Variants in SCAF8 observed in about 807,000 individuals in gnomAD.
SCAF8 encodes the protein SR-related and CTD-associated factor 8.
A neutral mutation model predicts 140.5 loss-of-function variants in SCAF8; 23 were observed. The observed-to-expected ratio is 0.16, with a 90% CI of 0.12 to 0.23. SCAF8 has a LOEUF of 0.23. Ranked by LOEUF, SCAF8 falls within the 10% of genes least tolerant of loss-of-function variation. The probability of loss-of-function intolerance (pLI) is 1.00; values close to 1 mark genes in which losing one functional copy is unlikely to be tolerated. For synonymous variants in SCAF8, 575 were observed against 528.9 expected (o/e 1.09, Z -1.20); for missense variants, 1,397 against 1,555.7 (o/e 0.90, Z 1.72).
At position 154,801,990 on chromosome 6, in the gene SCAF8, C is replaced by A; in HGVS notation, c.626C>A (p.Thr209Asn). The A allele has an allele frequency of 6.2e-7, 1 of 1,600,356 alleles. No homozygotes were observed. ...CTCCAGCTTCAACAATTAATACAAACCTTACAGATACAACAACAGAAGCCC... is the reference window on the plus strand; with the variant it reads ...CTCCAGCTTCAACAATTAATACAAAACTTACAGATACAACAACAGAAGCCC... ...QGQQLQQLIQTLQIQQQKPQP... is the reference protein window; with the variant it reads ...QGQQLQQLIQNLQIQQQKPQP... The change falls in exon 7 of 20, where the codon ACC becomes AAC. Residue 209 changes from threonine to asparagine, a missense_variant. Around this residue, in one of 5 missense-constraint regions of SCAF8, gnomAD observed 339 missense variants for 407.5 expected, o/e 0.83. Coordinates refer to ENST00000367178, the MANE Select transcript of SCAF8 (RefSeq NM_014892.5).
chr6:154,790,254 A>G (rs1174639584), intron 4 of SCAF8, among the ~76,000 whole-genome samples: 3 of 152,218 alleles, frequency 2.0e-5, no homozygotes, highest in Admixed American at 6.5e-5. Context: ...GCAGAAGAAC[A>G]TAAGGCATTT....
intron 1 of SCAF8, among the ~76,000 whole-genome samples, chr6:154,742,308 G>C (rs1474869076): frequency 6.6e-6 from 1 of 152,152 alleles, no homozygotes; most frequent in Non-Finnish European, 1.5e-5. Flanking sequence ...TTTTACAAAA[G>C]AGATAGAACT....
intron 3 of SCAF8, among the ~76,000 whole-genome samples, chr6:154,782,360 A>G (rs1021746355): frequency 3.3e-5 from 5 of 152,222 alleles, no homozygotes; most frequent in South Asian, 2.1e-4. Context: ...TTGAGGCTGT[A>G]GTGAACCATC....
chr6:154,740,619 CTTTTTCTTTT>C (rs1424631233), intron 1 of SCAF8, among the ~76,000 whole-genome samples: 4 of 117,252 alleles, frequency 3.4e-5, no homozygotes, highest in Non-Finnish European at 5.2e-5. Flanking sequence ...TTTTCTTTTT[CTTTTTCTTTT>C]TTTTTTTTTT....
At chr6:154,773,926 T>G in intron 1 of SCAF8, 63 bp from the exon 2 acceptor site, 1 of 989,432 alleles carries the variant, frequency 1.0e-6, no homozygotes, top group South Asian at 1.4e-5. Flanking sequence ...TGAACATGTT[T>G]GGTAGTTTCA....
chr6:154,819,947 C>G (rs1011163821), intron 14 of SCAF8, among the ~76,000 whole-genome samples: 2 of 152,084 alleles, frequency 1.3e-5, no homozygotes, highest in Non-Finnish European at 2.9e-5. Context: ...CATGATCATG[C>G]CACTGCACTC....
At chr6:154,805,153 C>T (rs150497615) in intron 8 of SCAF8, among the ~76,000 whole-genome samples, 9 of 152,134 alleles carry the variant, frequency 5.9e-5, no homozygotes, top group Middle Eastern at 3.4e-3. Context: ...ATCTCTGACA[C>T]GTTATCCATC....
chr6:154,831,362 C>T (rs2114698401), intron 19 of SCAF8, among the ~76,000 whole-genome samples: 1 of 152,028 alleles, frequency 6.6e-6, no homozygotes, highest in Non-Finnish European at 1.5e-5. Context: ...ACCCTCACAC[C>T]ACCACCCCCT....
intron 8 of SCAF8, among the ~76,000 whole-genome samples, chr6:154,804,239 C>A (rs1201892736): frequency 6.6e-6 from 1 of 151,938 alleles, no homozygotes; most frequent in African/African-American, 2.4e-5. Flanking sequence ...TTGTTTCAAA[C>A]AGAAGTTATT....
chr6:154,803,709 G>C, intron 8 of SCAF8, 86 bp downstream of exon 8: 1 of 791,356 alleles, frequency 1.3e-6, no homozygotes, highest in Non-Finnish European at 2.1e-6. Context: ...TAGTAAGTTG[G>C]GATTATTATT....
intron 1 of SCAF8, among the ~76,000 whole-genome samples, chr6:154,772,644 A>G (rs954747025): frequency 3.0e-4 from 45 of 152,180 alleles, no homozygotes; most frequent in African/African-American, 1.1e-3. Flanking sequence ...AGCCGTGATC[A>G]TGCCCTTGAA....
chr6:154,801,174 C>A (rs1777761157), intron 6 of SCAF8, among the ~76,000 whole-genome samples: 1 of 151,502 alleles, frequency 6.6e-6, no homozygotes, highest in Admixed American at 6.6e-5. Context: ...AGTGAAGTGA[C>A]TCTAGTTTGT....
At chr6:154,741,850 G>C (rs925025747) in intron 1 of SCAF8, 2 of 686,296 alleles carry the variant, frequency 2.9e-6, no homozygotes, top group Non-Finnish European at 5.1e-6. Context: ...GTGAAAGAAT[G>C]TAATCAACCT....
chr6:154,805,224 A>G (rs1777878026), intron 8 of SCAF8, 145 bp from the exon 9 acceptor site: 3 of 556,770 alleles, frequency 5.4e-6, no homozygotes, highest in East Asian at 2.8e-5. Flanking sequence ...CAAGTATTCT[A>G]CTTTAAGTAT....
intron 15 of SCAF8, 21 bp from the exon 16 acceptor site, chr6:154,822,255 A>T (rs752470410): frequency 4.7e-5 from 75 of 1,586,498 alleles, no homozygotes; most frequent in Admixed American, 2.1e-4. Flanking sequence ...AAAGGAAATC[A>T]ATTTCAACTA....
rs1429921892 is a variant in SCAF8, at chr6:154,733,663, T to C, written c.-238T>C. The C allele has an allele frequency of 1.7e-6, 2 of 1,161,794 alleles. No homozygotes were observed. Among genetic ancestry groups the C allele is most frequent in the Non-Finnish European group, 2.1e-6 (2 of 939,248 alleles). 72.0% of individuals were successfully genotyped at this position (1,161,794 alleles called of 1,614,324 possible). On this transcript the variant is annotated 5_prime_UTR_variant, in exon 1 of 20. Transcript: ENST00000367178. ...CGCCGACCCGCCCCGGCAGCGCCTC[T>C]GTTCCCTAGAACGGCGCTCCCCCCG... is the stretch of plus-strand genomic sequence containing the variant.
At chr6:154,734,191 G>C (rs1257891628) in intron 1 of SCAF8, among the ~76,000 whole-genome samples, 1 of 152,218 alleles carries the variant, frequency 6.6e-6, no homozygotes, top group African/African-American at 2.4e-5. Flanking sequence ...TGCGAGCTCG[G>C]AGGGAAAGAC....
At chr6:154,778,548 T>C (rs1313823349) in intron 3 of SCAF8, among the ~76,000 whole-genome samples, 1 of 152,148 alleles carries the variant, frequency 6.6e-6, no homozygotes, top group South Asian at 2.1e-4. Context: ...GTGGATCACT[T>C]GAGGCCAGGA....
Position 154,833,850 on chromosome 6 carries a change from A to G in SCAF8, c.*455A>G, listed in dbSNP as rs1290007342. The G allele has an allele frequency of 1.3e-5, 2 of 154,698 alleles. No homozygotes were observed. Among genetic ancestry groups the G allele is most frequent in the South Asian group, 2.0e-4 (1 of 4,950 alleles). 9.6% of individuals were successfully genotyped at this position (154,698 alleles called of 1,614,324 possible). On this transcript the variant is annotated 3_prime_UTR_variant, in exon 20 of 20. Transcript: ENST00000367178. ...TTTTATGCAAAGACTGGCTCTAGGT[A>G]TTTGAGGAGCACAATACAGAGATTT...
Sources: allele counts gnomAD v4.1 joint callset (sites outside exome capture counted in the v4.1 genomes callset), GRCh38; gene constraint gnomAD v4.1.1; regional missense constraint gnomAD v4.1.1; transcripts MANE v1.5; gene names NCBI Gene and HGNC (gene_info 2026-07-23, HGNC 2026-07-21).